The following DYNC1LI1 variants were observed in gnomAD, a reference collection of about 807,000 sequenced individuals.
DYNC1LI1 encodes the protein dynein cytoplasmic 1 light intermediate chain 1, also known as cytoplasmic dynein 1 light intermediate chain 1.
Under a neutral mutation model 63.8 loss-of-function variants are expected in DYNC1LI1, and 19 were observed. The observed-to-expected ratio is 0.30, with a 90% CI of 0.21 to 0.44. The LOEUF is 0.44. DYNC1LI1 is among the 20% of genes least tolerant of loss of function. The pLI is 1.00. For missense variants in DYNC1LI1, 565 were observed against 630.2 expected (o/e 0.90, Z 1.11); for synonymous variants, 225 against 232.3 (o/e 0.97, Z 0.28).
At chr3:32,569,678 CA>C (rs1698313972) in intron 2 of DYNC1LI1, among the ~76,000 whole-genome samples, 1 of 152,126 alleles carries the variant, frequency 6.6e-6, no homozygotes, top group African/African-American at 2.4e-5. Context: ...ACTAAAGAAA[CA>C]GAATACACAA....
chr3:32,555,802 T>C (rs1181847206), intron 2 of DYNC1LI1, among the ~76,000 whole-genome samples: 3 of 152,206 alleles, frequency 2.0e-5, no homozygotes, highest in African/African-American at 7.2e-5. Flanking sequence ...TACACTGAAA[T>C]GCATTTTTAA....
intron 2 of DYNC1LI1, among the ~76,000 whole-genome samples, chr3:32,568,872 T>C (rs1698304637): frequency 6.6e-6 from 1 of 152,224 alleles, no homozygotes; most frequent in Admixed American, 6.5e-5. Flanking sequence ...AAATGAGTAG[T>C]AATTTGTTTA....
At chr3:32,538,067 T>TATATATATAATTTA (rs1359725511) in intron 5 of DYNC1LI1, among the ~76,000 whole-genome samples, 4 of 68,872 alleles carry the variant, frequency 5.8e-5, no homozygotes, top group South Asian at 3.5e-4. Context: ...ATATAATTTA[T>TATATATATAATTTA]TATATATATA....
chr3:32,543,257 G>C (rs1697906606), intron 4 of DYNC1LI1, among the ~76,000 whole-genome samples: 6 of 151,956 alleles, frequency 3.9e-5, no homozygotes, highest in Admixed American at 3.9e-4. Flanking sequence ...AAAGCATTTA[G>C]ACATCTCTTT....
At chr3:32,537,964 A>T (rs1442607392) in intron 5 of DYNC1LI1, among the ~76,000 whole-genome samples, 294 of 3,016 alleles carry the variant, frequency 0.097, 29 homozygotes, top group East Asian at 0.21. Context: ...TATATATAAT[A>T]TATATATATT....
chr3:32,544,644 C>G (rs1054198620), intron 4 of DYNC1LI1, among the ~76,000 whole-genome samples: 2 of 151,242 alleles, frequency 1.3e-5, no homozygotes, highest in Non-Finnish European at 2.9e-5. Context: ...GGCAGGTGCC[C>G]GTAATACCAG....
At chr3:32,535,166 T>C (rs1325636736) in intron 6 of DYNC1LI1, among the ~76,000 whole-genome samples, 1 of 152,134 alleles carries the variant, frequency 6.6e-6, no homozygotes. Flanking sequence ...AGCCAGCAGG[T>C]ACCAATTAGG....
chr3:32,532,765 T>C, intron 8 of DYNC1LI1: 2 of 696,616 alleles, frequency 2.9e-6, no homozygotes, highest in Non-Finnish European at 4.0e-6. Context: ...CTAATATAAA[T>C]ATGCCAAGGG....
chr3:32,530,363 ACATTCATAGCATATACTGGTGTATTTTT>A, intron 9 of DYNC1LI1, 35 bp from the exon 10 acceptor site: 1 of 1,598,222 alleles, frequency 6.3e-7, no homozygotes, highest in Non-Finnish European at 8.5e-7. Flanking sequence ...CCTAGTTTAG[ACATTCATAGCATATACTGGTGTATTTTT>A]AAAGAAAATA....
rs73070861 is a variant in DYNC1LI1, at chr3:32,570,107, C to T, written c.220+239G>A. ...TCCTTCCCAGGGGAAGCTGTCAGGG[C>T]CACCCCCATATACCGGGGAGGAGGA... On this transcript the variant is annotated intron_variant, in intron 2 of 12. Transcript: ENST00000273130. 6,282 of 657,136 alleles carry T rather than the reference C, an allele frequency of 9.6e-3. 57 individuals are homozygous for T. Among genetic ancestry groups the T allele is most frequent in the Non-Finnish European group, 0.014 (5,158 of 363,104 alleles). 40.7% of individuals were successfully genotyped at this position (657,136 alleles called of 1,614,324 possible).
At position 32,552,972 on chromosome 3, in the gene DYNC1LI1, G is replaced by C. The variant is rs573574911; in HGVS notation, c.221-7007C>G. 3.8e-4 allele frequency among the ~76,000 whole-genome samples: 58 copies of C among 152,268 alleles called. 1 individual carries two copies. The South Asian group carries it at 0.01, about 27-fold the overall frequency. On this transcript the variant is annotated intron_variant, in intron 2 of 12. Coordinates refer to ENST00000273130, the MANE Select transcript of DYNC1LI1 (RefSeq NM_016141.4). Reference sequence around the variant, plus strand: ...GGCCTCCCAAAGTGCTGGGATTACAGGCGTGAGCCACCACACCCGGCCTAA... The same window carrying C: ...GGCCTCCCAAAGTGCTGGGATTACACGCGTGAGCCACCACACCCGGCCTAA...
chr3:32,531,971 TG>T (rs1315687942), intron 8 of DYNC1LI1: 2 of 152,192 alleles, frequency 1.3e-5, no homozygotes, highest in African/African-American at 4.8e-5. Flanking sequence ...AGAGTCATGT[TG>T]GAGCTCAAAG....
Position 32,529,536 on chromosome 3 carries a change from G to C in DYNC1LI1, c.1306+4C>G. On this transcript the variant is annotated splice_donor_region_variant and intron_variant, in intron 11 of 12. Transcript: ENST00000273130. ...GTCTTGTTATCTCCTAGAAAGAGAT[G>C]TACCTTTCATGTTTGGATCAATTTT... is the stretch of plus-strand genomic sequence containing the variant. 1 of 1,603,712 alleles carries C rather than the reference G, an allele frequency of 6.2e-7. No individual in the cohort carries two copies.
At chr3:32,550,539 T>C (rs2125440366) in intron 2 of DYNC1LI1, among the ~76,000 whole-genome samples, 1 of 152,372 alleles carries the variant, frequency 6.6e-6, no homozygotes, top group Middle Eastern at 3.4e-3. Flanking sequence ...TTCTAAAGAC[T>C]GAACAGGGTT....
At chr3:32,567,654 T>C (rs1175265285) in intron 2 of DYNC1LI1, among the ~76,000 whole-genome samples, 2 of 151,698 alleles carry the variant, frequency 1.3e-5, no homozygotes, top group Non-Finnish European at 2.9e-5. Flanking sequence ...TCCCTCCACC[T>C]TAGCCTCCTG....
intron 2 of DYNC1LI1, 189 bp downstream of exon 2, chr3:32,570,157 C>T (rs1304757268): frequency 1.3e-5 from 9 of 698,926 alleles, no homozygotes; most frequent in East Asian, 2.7e-5. Context: ...GAGGGCGGGT[C>T]CCCGCAGGTC....
chr3:32,557,519 T>C (rs2125443425), intron 2 of DYNC1LI1, among the ~76,000 whole-genome samples: 1 of 150,934 alleles, frequency 6.6e-6, no homozygotes, highest in East Asian at 1.9e-4. Context: ...CAAGACTCCG[T>C]CTCAAAAAAA....
At position 32,558,265 on chromosome 3, in the gene DYNC1LI1, T is replaced by C. The variant is rs73070853; in HGVS notation, c.220+12081A>G. 8.3e-3 allele frequency among the ~76,000 whole-genome samples: 1,268 copies of C among 152,084 alleles called. 10 individuals are homozygous for C. The highest frequency in any genetic ancestry group is 0.021 in the Middle Eastern group (6 of 292). Reference sequence around the variant, plus strand: ...AACAACAATTTCATAAAAGCAATACTATTAGTTTTCATGTCTACATGCAGG... The same window carrying C: ...AACAACAATTTCATAAAAGCAATACCATTAGTTTTCATGTCTACATGCAGG... On this transcript the variant is annotated intron_variant, in intron 2 of 12. Transcript: ENST00000273130.
intron 2 of DYNC1LI1, among the ~76,000 whole-genome samples, chr3:32,554,236 A>AT (rs1195454014): frequency 6.6e-6 from 1 of 152,106 alleles, no homozygotes; most frequent in Non-Finnish European, 1.5e-5. Flanking sequence ...TATGCTGGTA[A>AT]TTTTTTCTCT....
Sources: gnomAD v4.1 joint callset for allele counts (sites outside exome capture counted in the v4.1 genomes callset) on GRCh38, gnomAD v4.1.1 for gene constraint, MANE v1.5 for transcripts, NCBI Gene and HGNC (gene_info 2026-07-23, HGNC 2026-07-21) for gene names.